The following MLIP variants were observed in gnomAD, a reference collection of about 807,000 sequenced individuals.
The protein encoded by MLIP is muscular LMNA interacting protein.
MLIP carries 79 observed loss-of-function variants against 84.8 expected under a neutral mutation model. That is an observed-to-expected ratio of 0.93 (90% CI 0.78 to 1.12). The LOEUF (loss-of-function observed/expected upper bound fraction) is 1.12. MLIP is among the 50% of genes most tolerant of loss of function. The pLI is 0.00. For synonymous variants in MLIP, 504 were observed against 463.0 expected (o/e 1.09, Z -1.14); for missense variants, 1,257 against 1,160.6 (o/e 1.08, Z -1.21).
At chr6:54,093,374 T>TATTCC (rs1767990693) in intron 1 of MLIP, among the ~76,000 whole-genome samples, 1 of 151,606 alleles carries the variant, frequency 6.6e-6, no homozygotes, top group Admixed American at 6.6e-5. Context: ...TATTCTATTC[T>TATTCC]ATTCTATTCT....
intron 1 of MLIP, among the ~76,000 whole-genome samples, chr6:54,058,409 C>G (rs1252830085): frequency 6.6e-6 from 1 of 152,172 alleles, no homozygotes; most frequent in Non-Finnish European, 1.5e-5. Context: ...AGGCAGCATT[C>G]CACTTGATAA....
Position 54,149,050 on chromosome 6 carries a change from T to C in MLIP, c.2218-6T>C. ...TCTACTCTTGCTTTCTGGTTGCCCA[T>C]TCTAGCAATACAAGACCAAGTCAAG... On this transcript the variant is annotated splice_region_variant and splice_polypyrimidine_tract_variant and intron_variant, in intron 4 of 13. Coordinates refer to ENST00000502396, the MANE Select transcript of MLIP (RefSeq NM_001281747.2). 1.2e-6 allele frequency: 2 copies of C among 1,611,998 alleles called. No individual in the cohort carries two copies. The highest frequency in any genetic ancestry group is 1.7e-6 in the Non-Finnish European group (2 of 1,178,664).
chr6:54,142,834 G>T (rs544063596), intron 4 of MLIP, among the ~76,000 whole-genome samples: 1 of 152,002 alleles, frequency 6.6e-6, no homozygotes, highest in African/African-American at 2.4e-5. Flanking sequence ...GTGAAGATAA[G>T]ATTTCCATTA....
At chr6:54,061,641 C>A (rs1489501834) in intron 1 of MLIP, among the ~76,000 whole-genome samples, 1 of 152,044 alleles carries the variant, frequency 6.6e-6, no homozygotes, top group Admixed American at 6.6e-5. Context: ...TAAATGAGAC[C>A]ATTTGTGTAT....
rs113063761 is a variant in MLIP, at chr6:54,178,479, T to C, written c.2544+8907T>C. 1.2e-3 allele frequency among the ~76,000 whole-genome samples: 181 copies of C among 152,304 alleles called. 4 individuals carry two copies. The highest frequency in any genetic ancestry group is 4.2e-3 in the African/African-American group (176 of 41,594). On this transcript the variant is annotated intron_variant, in intron 9 of 13. Transcript: ENST00000502396. ...TGGGTTTGGTTTGCTCTTGACTTTC[T>C]AGTTGTTTAAGGTGTTTTATTAGGT... is the stretch of plus-strand genomic sequence containing the variant.
At chr6:54,109,732 C>G (rs1437035698), upstream of MLIP, among the ~76,000 whole-genome samples, 1 of 152,084 alleles carries the variant, frequency 6.6e-6, no homozygotes, top group Non-Finnish European at 1.5e-5. Context: ...ACACCAGCAG[C>G]AGATCTGGGG....
intron 10 of MLIP, among the ~76,000 whole-genome samples, chr6:54,193,045 T>C (rs1177578944): frequency 6.6e-6 from 1 of 152,216 alleles, no homozygotes; most frequent in Non-Finnish European, 1.5e-5. Flanking sequence ...AGTGTGCCAA[T>C]TCAGAATTGA....
At chr6:54,176,040 G>A (rs529655116) in intron 9 of MLIP, among the ~76,000 whole-genome samples, 1 of 152,022 alleles carries the variant, frequency 6.6e-6, no homozygotes, top group African/African-American at 2.4e-5. Context: ...TGATTGATTT[G>A]CATATGTTAA....
intron 10 of MLIP, among the ~76,000 whole-genome samples, chr6:54,197,342 A>C (rs1340664): frequency 0.084 from 12,756 of 152,072 alleles, 672 homozygotes; most frequent in East Asian, 0.21. Context: ...CAGGATTGTG[A>C]ACCCTCTGAA....
chr6:54,138,386 A>G (rs2754780), intron 4 of MLIP, 100 bp downstream of exon 4: 1,198,475 of 1,361,558 alleles, frequency 0.88, 528,631 homozygotes, highest in East Asian at 1. Flanking sequence ...TATTAATTGT[A>G]CTCCTACAAG....
chr6:54,261,755 T>C (rs1017792497), intron 13 of MLIP: 1 of 984,484 alleles, frequency 1.0e-6, no homozygotes, highest in Non-Finnish European at 1.2e-6. Context: ...GAAGCCACTC[T>C]CATTTTCTGG....
intron 10 of MLIP, among the ~76,000 whole-genome samples, chr6:54,195,796 C>G (rs1488555515): frequency 6.6e-6 from 1 of 152,042 alleles, no homozygotes; most frequent in African/African-American, 2.4e-5. Flanking sequence ...GATATAATAT[C>G]CTCTTCTCCT....
At chr6:54,033,451 G>A (rs1764252900) in intron 1 of MLIP, among the ~76,000 whole-genome samples, 1 of 151,988 alleles carries the variant, frequency 6.6e-6, no homozygotes, top group Non-Finnish European at 1.5e-5. Context: ...ATTTTTAGTA[G>A]AGACAGGATT....
In MLIP at chr6:54,055,681, G is replaced by A. The variant is rs934691096; in HGVS notation, c.63+36590G>A. ...AAATAAACAAAAATATAACAAACAT[G>A]GAACACATAATAAATATGATTATTA... On this transcript the variant is annotated intron_variant, in intron 1 of 12. Coordinates refer to the MLIP transcript ENST00000274897. Among the ~76,000 whole-genome samples, 8 of 151,920 alleles carry A rather than the reference G, an allele frequency of 5.3e-5. No homozygotes were observed. In the East Asian group the frequency reaches 1.5e-3, roughly 29 times the overall value.
chr6:54,099,830 C>A (rs1452486474), intron 1 of MLIP, among the ~76,000 whole-genome samples: 3 of 151,840 alleles, frequency 2.0e-5, no homozygotes, highest in African/African-American at 7.3e-5. Flanking sequence ...TATCAATTAA[C>A]AAAATCATAA....
At chr6:54,074,916 C>T (rs964033714) in intron 1 of MLIP, among the ~76,000 whole-genome samples, 3 of 152,096 alleles carry the variant, frequency 2.0e-5, no homozygotes, top group Non-Finnish European at 2.9e-5. Context: ...TTCCTAACTT[C>T]TTCATTTGCA....
rs140994036 is a variant in MLIP, at chr6:54,160,555, C to T, written c.2395C>T (p.Leu799Phe). The T allele has an allele frequency of 2.0e-5, 33 of 1,612,426 alleles. No individual in the cohort carries two copies. Among genetic ancestry groups the T allele is most frequent in the Non-Finnish European group, 2.6e-5 (31 of 1,179,124 alleles). ...ACAGCTCAGGCAGCAAACTGAAGAG[C>T]TCTGTGCTACCATTGATAAGGTCTT... Reference protein sequence around the residue: ...PAQLRQQTEELCATIDKVLQD... With the variant: ...PAQLRQQTEEFCATIDKVLQD... Residue 799 changes from leucine to phenylalanine, a missense_variant, in exon 7 of 14, where the codon CTC becomes TTC. Coordinates refer to ENST00000502396, the MANE Select transcript of MLIP (RefSeq NM_001281747.2).
rs1213768797 is a variant in MLIP, at chr6:54,257,474, G to T, written c.2976+113G>T. On this transcript the variant is annotated intron_variant, in intron 13 of 13. Transcript: ENST00000502396. The stretch of plus-strand genomic sequence containing the variant: ...AATTGTGCTTTTATAACAAAAGAAA[G>T]AATTATTACTAACTGTTTCACTCTG... The T allele has an allele frequency of 3.6e-5, 26 of 724,778 alleles. No homozygotes were observed. The South Asian group carries it at 4.7e-4, about 13-fold the overall frequency. 44.9% of individuals were successfully genotyped at this position (724,778 alleles called of 1,614,324 possible). A position where few individuals can be genotyped will look rare whatever the true frequency, so the allele number is the denominator to read the frequency against.
chr6:54,024,887 G>GAGTGT (rs1418720446), intron 1 of MLIP, among the ~76,000 whole-genome samples: 1 of 152,074 alleles, frequency 6.6e-6, no homozygotes, highest in Non-Finnish European at 1.5e-5. Context: ...GCCCAGGCTG[G>GAGTGT]AGTGTAGTGG....
Sources: allele counts gnomAD v4.1 joint callset (sites outside exome capture counted in the v4.1 genomes callset), GRCh38; gene constraint gnomAD v4.1.1; transcripts MANE v1.5; gene names NCBI Gene and HGNC (gene_info 2026-07-23, HGNC 2026-07-21).